STXBP6: variants seen among roughly 807,000 people sequenced by gnomAD.
STXBP6 encodes syntaxin binding protein 6, also known as syntaxin-binding protein 6.
Under a neutral mutation model 26.9 loss-of-function variants are expected in STXBP6, and 21 were observed. That is an observed-to-expected ratio of 0.78 (90% CI 0.55 to 1.12). The LOEUF (loss-of-function observed/expected upper bound fraction) is 1.12, where lower values mean the gene tolerates loss of function less well. Ranked by LOEUF, STXBP6 falls within the 50% of genes most tolerant of loss-of-function variation. STXBP6 has a pLI of 0.00. For synonymous variants in STXBP6, 97 were observed against 92.6 expected (o/e 1.05, Z -0.27); for missense variants, 232 against 257.9 (o/e 0.90, Z 0.69).
chr14:24,919,434 G>A (rs1410584441), intron 2 of STXBP6, among the ~76,000 whole-genome samples: 4 of 144,256 alleles, frequency 2.8e-5, no homozygotes, highest in East Asian at 2.1e-4. Context: ...AAATAAATGC[G>A]AAAAATAAAA....
At chr14:24,958,653 C>T (rs2073420888) in intron 2 of STXBP6, among the ~76,000 whole-genome samples, 1 of 152,084 alleles carries the variant, frequency 6.6e-6, no homozygotes, top group African/African-American at 2.4e-5. Context: ...CTGAAGAAGA[C>T]ATTTATAATC....
chr14:24,818,922 G>T, intron 5 of STXBP6, 115 bp downstream of exon 5: 5 of 1,365,384 alleles, frequency 3.7e-6, no homozygotes, highest in Non-Finnish European at 3.9e-6. Context: ...TTACATAAAG[G>T]GGAAATAGCT....
At chr14:24,909,934 G>A (rs973635170) in intron 2 of STXBP6, among the ~76,000 whole-genome samples, 2 of 151,824 alleles carry the variant, frequency 1.3e-5, no homozygotes, top group Non-Finnish European at 2.9e-5. Context: ...GTATGACCTT[G>A]AGTGAGTCAC....
At chr14:25,036,333 A>G (rs899338587) in intron 1 of STXBP6, among the ~76,000 whole-genome samples, 2 of 151,924 alleles carry the variant, frequency 1.3e-5, no homozygotes, top group Non-Finnish European at 2.9e-5. Context: ...GGGGTCCATG[A>G]TCCCAAAAGG....
At chr14:24,854,956 C>A (rs773068639) in intron 4 of STXBP6, among the ~76,000 whole-genome samples, 2 of 151,930 alleles carry the variant, frequency 1.3e-5, no homozygotes, top group Non-Finnish European at 2.9e-5. Flanking sequence ...TAAGAAAGAC[C>A]TTCCAAGGTT....
At chr14:24,960,719 T>C (rs529353790) in intron 2 of STXBP6, among the ~76,000 whole-genome samples, 1 of 152,318 alleles carries the variant, frequency 6.6e-6, no homozygotes, top group South Asian at 2.1e-4. Context: ...ATTCAGTTTC[T>C]CACAATAATC....
At chr14:24,818,909 G>C (rs888641992) in intron 5 of STXBP6, 128 bp downstream of exon 5, 1 of 1,267,840 alleles carries the variant, frequency 7.9e-7, no homozygotes, top group Admixed American at 2.6e-5. Flanking sequence ...TAGCAGATGG[G>C]AATTACATAA....
At chr14:24,907,512 A>C (rs1404978436) in intron 2 of STXBP6, among the ~76,000 whole-genome samples, 1 of 152,228 alleles carries the variant, frequency 6.6e-6, no homozygotes, top group Non-Finnish European at 1.5e-5. Context: ...CCAACATGTT[A>C]GCATTTTGAA....
chr14:24,843,010 G>T (rs987185393), intron 4 of STXBP6, among the ~76,000 whole-genome samples: 16 of 152,236 alleles, frequency 1.1e-4, no homozygotes, highest in Non-Finnish European at 2.2e-4. Flanking sequence ...ACTGAAGAAA[G>T]AATTTTTCTA....
rs538447223 is a variant in STXBP6, at chr14:24,974,706, G to C, written c.113C>G (p.Thr38Ser). ...RTKKKIPFLA[T>S]GGQGEYLTYI... is the part of the protein sequence containing the mutation. ...AGTTAAATATTCGCCTTGACCTCCA[G>C]TTGCCAAGAAAGGAATCTTTTTCTT... The change falls in exon 2 of 6, where the codon ACT (threonine) becomes AGT (serine). Residue 38 changes from threonine (T) to serine (S), a missense_variant. Physicochemically the swap from Thr to Ser is moderately conservative, Grantham distance 58. Transcript: ENST00000323944. 23 of 1,566,886 alleles carry C rather than the reference G, an allele frequency of 1.5e-5. No individual in the cohort carries two copies. In the South Asian group the frequency reaches 2.6e-4, roughly 18 times the overall value.
chr14:25,049,450 G>A lies in STXBP6; in HGVS notation c.-33+428C>T. The A allele has an allele frequency of 1.0e-6, 1 of 985,394 alleles. No individual in the cohort carries two copies. The highest frequency in any genetic ancestry group is 1.1e-4 in the East Asian group (1 of 8,768). 61.0% of individuals were successfully genotyped at this position (985,394 alleles called of 1,614,324 possible). ...ATCGGAGTGATTCGCGGATTTCTGC[G>A]CTCAAGCTAGAGGCGCAGCGACCCC... On this transcript the variant is annotated intron_variant, in intron 1 of 5. Coordinates refer to ENST00000323944, the MANE Select transcript of STXBP6 (RefSeq NM_001394410.1). This position sits in a 1 kb window ranked among gnomAD's most constrained non-coding sequence, Gnocchi z 5.6.
chr14:24,865,676 G>A (rs1014972967), intron 2 of STXBP6, among the ~76,000 whole-genome samples: 19 of 152,078 alleles, frequency 1.2e-4, no homozygotes, highest in African/African-American at 4.3e-4. Context: ...AGATTCCTGG[G>A]GCACTGAGTA....
At chr14:24,935,721 A>G (rs2072571002) in intron 2 of STXBP6, among the ~76,000 whole-genome samples, 1 of 152,242 alleles carries the variant, frequency 6.6e-6, no homozygotes, top group South Asian at 2.1e-4. Context: ...ATATGACACT[A>G]AAATACAATT....
At chr14:25,029,533 G>A (rs76507180) in intron 1 of STXBP6, among the ~76,000 whole-genome samples, 4,902 of 152,186 alleles carry the variant, frequency 0.032, 301 homozygotes, top group African/African-American at 0.11. Context: ...AAAAATTTGT[G>A]TGACTTACTT....
chr14:24,837,756 G>T (rs1192786816), intron 4 of STXBP6, among the ~76,000 whole-genome samples: 1 of 152,092 alleles, frequency 6.6e-6, no homozygotes, highest in African/African-American at 2.4e-5. Context: ...TAATTAAAAG[G>T]GTCTAAGATA....
At chr14:25,030,721 C>A (rs1404353638) in intron 1 of STXBP6, among the ~76,000 whole-genome samples, 1 of 152,136 alleles carries the variant, frequency 6.6e-6, no homozygotes, top group Non-Finnish European at 1.5e-5. Context: ...TGTCCCTCCT[C>A]GGCCTTTAAA....
chr14:24,840,419 T>C (rs1371934047), intron 4 of STXBP6, among the ~76,000 whole-genome samples: 2 of 152,214 alleles, frequency 1.3e-5, no homozygotes, highest in Admixed American at 6.5e-5. Flanking sequence ...CATCAACAGA[T>C]TGATTCCTGA....
intron 5 of STXBP6, among the ~76,000 whole-genome samples, chr14:24,813,674 A>G (rs1220402735): frequency 6.6e-6 from 1 of 151,594 alleles, no homozygotes; most frequent in East Asian, 1.9e-4. Flanking sequence ...CTTTGCAGAA[A>G]GCCCTGTCAT....
intron 2 of STXBP6, among the ~76,000 whole-genome samples, chr14:24,920,707 A>G (rs992417316): frequency 2.6e-5 from 4 of 151,874 alleles, no homozygotes; most frequent in African/African-American, 9.7e-5. Context: ...CCCATTTCCA[A>G]CATCTCCTCA....
Sources: gnomAD v4.1 joint callset for allele counts (sites outside exome capture counted in the v4.1 genomes callset) on GRCh38, gnomAD v4.1.1 for gene constraint, Gnocchi (gnomAD v3.1) non-coding constraint, MANE v1.5 for transcripts, NCBI Gene and HGNC (gene_info 2026-07-23, HGNC 2026-07-21) for gene names.